CTNNBIP1: variants seen among roughly 807,000 people sequenced by gnomAD.
CTNNBIP1 encodes catenin beta interacting protein 1.
CTNNBIP1 carries 7 observed loss-of-function variants against 11.8 expected under a neutral mutation model. That is an observed-to-expected ratio of 0.60 (90% CI 0.34 to 1.12). The LOEUF (loss-of-function observed/expected upper bound fraction) is 1.12. Ranked by LOEUF, CTNNBIP1 falls within the 50% of genes most tolerant of loss-of-function variation. The pLI is 0.03. For missense variants in CTNNBIP1, 101 were observed against 113.4 expected (o/e 0.89, Z 0.50); for synonymous variants, 58 against 43.9 (o/e 1.32, Z -1.26).
At chr1:9,877,665 A>G (rs1029160324) in intron 3 of CTNNBIP1, among the ~76,000 whole-genome samples, 6 of 152,102 alleles carry the variant, frequency 3.9e-5, no homozygotes, top group African/African-American at 1.5e-4. Flanking sequence ...TAGAGCTTAT[A>G]TGAAATATTA....
Position 9,871,900 on chromosome 1 carries a change from G to T in CTNNBIP1, c.96+69C>A. The T allele has an allele frequency of 7.3e-7, 1 of 1,377,562 alleles. No homozygotes were observed. Among genetic ancestry groups the T allele is most frequent in the Non-Finnish European group, 1.0e-6 (1 of 969,160 alleles). The allele number at this position is 1,377,562 out of a possible 1,614,324, so 85.3% of individuals were successfully genotyped here. ...GCCGCAGTGGCTCCACCCTCCAATAGCCCAGCAGGGCCCCTCCCTGGGAGA... is the reference window on the plus strand; with the variant it reads ...GCCGCAGTGGCTCCACCCTCCAATATCCCAGCAGGGCCCCTCCCTGGGAGA... On this transcript the variant is annotated intron_variant, in intron 4 of 5. Transcript: ENST00000377263. This position sits in a 1 kb window ranked among gnomAD's most constrained non-coding sequence, Gnocchi z 5.2.
intron 1 of CTNNBIP1, among the ~76,000 whole-genome samples, chr1:9,907,986 C>T (rs2101554047): frequency 6.6e-6 from 1 of 152,376 alleles, no homozygotes; most frequent in South Asian, 2.1e-4. Flanking sequence ...CCAATGGCCT[C>T]TAACTGTTCT....
At chr1:9,855,725 CTTTTTTT>C (rs528824089) in intron 5 of CTNNBIP1, among the ~76,000 whole-genome samples, 1 of 133,766 alleles carries the variant, frequency 7.5e-6, no homozygotes, top group African/African-American at 2.7e-5. Context: ...TTAGGAAATG[CTTTTTTT>C]TTTTTTTTTT....
intron 1 of CTNNBIP1, chr1:9,893,223 C>T (rs1361815380): frequency 6.6e-6 from 1 of 152,226 alleles, no homozygotes. Context: ...CAGACAAGCT[C>T]AGGAGAGTAG....
chr1:9,851,449 C>A lies in CTNNBIP1; in HGVS notation c.188-673G>T, dbSNP rs1444070764. On this transcript the variant is annotated intron_variant, in intron 5 of 5. Transcript: ENST00000377263. This position sits in a 1 kb window ranked among gnomAD's most constrained non-coding sequence, Gnocchi z 4.8. Reference sequence around the variant, plus strand: ...ATAGTGGCACAATCTCGGCTCACTGCATCCTCTGCCTCCCGGGTTCAAGCG... The same window carrying A: ...ATAGTGGCACAATCTCGGCTCACTGAATCCTCTGCCTCCCGGGTTCAAGCG... 6.6e-6 allele frequency among the ~76,000 whole-genome samples: 1 copy of A among 152,100 alleles called. No individual in the cohort carries two copies. The highest frequency in any genetic ancestry group is 2.4e-5 in the African/African-American group (1 of 41,400).
In CTNNBIP1 at chr1:9,851,262, C is replaced by T. The variant is rs537746032; in HGVS notation, c.188-486G>A. On this transcript the variant is annotated intron_variant, in intron 5 of 5. Transcript: ENST00000377263. This position sits in a 1 kb window ranked among gnomAD's most constrained non-coding sequence, Gnocchi z 4.8. ...GCTTCTCCTTCACCCAAACCCAACA[C>T]CTCTTCCAAGAAGTATGGCCGGGCC... 6.6e-6 allele frequency among the ~76,000 whole-genome samples: 1 copy of T among 152,168 alleles called. No homozygotes were observed. The highest frequency in any genetic ancestry group is 1.9e-4 in the East Asian group (1 of 5,202).
intron 5 of CTNNBIP1, among the ~76,000 whole-genome samples, chr1:9,852,206 T>A (rs1638404468): frequency 6.6e-6 from 1 of 152,130 alleles, no homozygotes; most frequent in Admixed American, 6.5e-5. Context: ...TGTGCTGACC[T>A]CCTTCCAACT....
intron 1 of CTNNBIP1, among the ~76,000 whole-genome samples, chr1:9,904,462 C>G (rs2101548607): frequency 6.6e-6 from 1 of 152,180 alleles, no homozygotes; most frequent in South Asian, 2.1e-4. Context: ...GCTGAGTTAC[C>G]CAACTCCGCT....
At chr1:9,870,209 T>A (rs1052482330) in intron 5 of CTNNBIP1, among the ~76,000 whole-genome samples, 1 of 152,256 alleles carries the variant, frequency 6.6e-6, no homozygotes, top group African/African-American at 2.4e-5. Flanking sequence ...GTCAGCACTC[T>A]GCTTTCGGGG....
chr1:9,893,090 G>C (rs944493573), intron 1 of CTNNBIP1: 3 of 152,246 alleles, frequency 2.0e-5, no homozygotes, highest in Non-Finnish European at 4.4e-5. Context: ...GTGGCAGCTG[G>C]AGCTGAAGGG....
At chr1:9,884,784 A>AAC (rs1639152170) in intron 1 of CTNNBIP1, among the ~76,000 whole-genome samples, 1 of 152,124 alleles carries the variant, frequency 6.6e-6, no homozygotes, top group African/African-American at 2.4e-5. Context: ...GGTGAGTGGG[A>AAC]ACAGGAGTGT....
At chr1:9,902,318 G>A (rs1639537792) in intron 1 of CTNNBIP1, among the ~76,000 whole-genome samples, 1 of 152,114 alleles carries the variant, frequency 6.6e-6, no homozygotes, top group Non-Finnish European at 1.5e-5. Flanking sequence ...CGTGTTAATG[G>A]CAGAACTTCA....
intron 1 of CTNNBIP1, among the ~76,000 whole-genome samples, chr1:9,897,245 G>A (rs1480055864): frequency 6.6e-6 from 1 of 151,882 alleles, no homozygotes; most frequent in African/African-American, 2.4e-5. Context: ...ACGAGGTCAG[G>A]AGATCGAGAC....
intron 1 of CTNNBIP1, among the ~76,000 whole-genome samples, chr1:9,908,984 T>C (rs1639676068): frequency 6.6e-6 from 1 of 152,208 alleles, no homozygotes; most frequent in Non-Finnish European, 1.5e-5. Context: ...CCCGCACCTT[T>C]ATTTATGATC....
chr1:9,875,466 T>C (rs775636121), intron 3 of CTNNBIP1, among the ~76,000 whole-genome samples: 4 of 152,182 alleles, frequency 2.6e-5, no homozygotes, highest in African/African-American at 4.8e-5. Context: ...CTCGCACTGA[T>C]AGGTGCCGCC....
At chr1:9,888,368 G>T (rs548241157) in intron 1 of CTNNBIP1, among the ~76,000 whole-genome samples, 6 of 151,976 alleles carry the variant, frequency 3.9e-5, no homozygotes, top group Non-Finnish European at 7.4e-5. Context: ...GATCACCTGA[G>T]GTCAGGAGTT....
chr1:9,897,922 C>T (rs1335397438), intron 1 of CTNNBIP1, among the ~76,000 whole-genome samples: 1 of 151,716 alleles, frequency 6.6e-6, no homozygotes. Context: ...AGTTCAAGAC[C>T]AGCCTGGCCA....
intron 1 of CTNNBIP1, among the ~76,000 whole-genome samples, chr1:9,890,016 T>G (rs1271890266): frequency 6.6e-6 from 1 of 152,222 alleles, no homozygotes; most frequent in Non-Finnish European, 1.5e-5. Context: ...TCACTTCAGA[T>G]AATCCTAACA....
In CTNNBIP1 at chr1:9,851,911, C is replaced by T. The variant is rs749060201; in HGVS notation, c.188-1135G>A. Among the ~76,000 whole-genome samples the T allele has an allele frequency of 6.6e-5, 10 of 152,200 alleles. No individual in the cohort carries two copies. Among genetic ancestry groups the T allele is most frequent in the African/African-American group, 2.4e-4 (10 of 41,440 alleles). On this transcript the variant is annotated intron_variant, in intron 5 of 5. Coordinates refer to ENST00000377263, the MANE Select transcript of CTNNBIP1 (RefSeq NM_020248.3). This position sits in a 1 kb window ranked among gnomAD's most constrained non-coding sequence, Gnocchi z 4.8. ...GGTGACCTGTAGGGCCCCACCTTGA[C>T]TCCCTGACCCTGTCCTGCTGCTCTC... is the stretch of plus-strand genomic sequence containing the variant.
Sources: gnomAD v4.1 joint callset for allele counts (sites outside exome capture counted in the v4.1 genomes callset) on GRCh38, gnomAD v4.1.1 for gene constraint, Gnocchi (gnomAD v3.1) non-coding constraint, MANE v1.5 for transcripts, NCBI Gene and HGNC (gene_info 2026-07-23, HGNC 2026-07-21) for gene names.